ZNF808: variants seen among roughly 807,000 people sequenced by gnomAD.
ZNF808 encodes the protein zinc finger protein 808.
A neutral mutation model predicts 8.7 loss-of-function variants in ZNF808; 5 were observed. That is an observed-to-expected ratio of 0.58 (90% CI 0.30 to 1.21). The LOEUF (loss-of-function observed/expected upper bound fraction) is 1.21. Among genes scored for constraint, ZNF808 ranks in the 50% most tolerant of loss-of-function variants. The probability of loss-of-function intolerance (pLI) is 0.07; values close to 1 mark genes in which losing one functional copy is unlikely to be tolerated. For synonymous variants in ZNF808, 380 were observed against 366.0 expected, an observed-to-expected ratio of 1.04 and a Z score of -0.44; for missense variants, 1,103 against 1,098.4, an observed-to-expected ratio of 1.00 and a Z score of -0.06.
intron 2 of ZNF808, among the ~76,000 whole-genome samples, chr19:52,541,780 C>T (rs1272495614): frequency 6.6e-6 from 1 of 152,130 alleles, no homozygotes; most frequent in African/African-American, 2.4e-5. Context: ...ACTTACACGA[C>T]TCCATGTCCC....
intron 2 of ZNF808, among the ~76,000 whole-genome samples, chr19:52,535,757 CG>C (rs1446742024): frequency 6.6e-6 from 1 of 152,234 alleles, no homozygotes; most frequent in Non-Finnish European, 1.5e-5. Context: ...TTTGCATGCC[CG>C]TTCCAGACAA....
chr19:52,562,171 A>C (rs1395400347), intron 3 of ZNF808, among the ~76,000 whole-genome samples: 1 of 152,070 alleles, frequency 6.6e-6, no homozygotes, highest in African/African-American at 2.4e-5. Flanking sequence ...TGAGGTCAGG[A>C]GTTTGAGAGC....
At chr19:52,546,822 T>G (rs2059725777) in intron 3 of ZNF808, among the ~76,000 whole-genome samples, 1 of 151,876 alleles carries the variant, frequency 6.6e-6, no homozygotes, top group Non-Finnish European at 1.5e-5. Context: ...TTTTGTATTT[T>G]CAGTAGAGAT....
At chr19:52,533,044 C>G (rs556736640) in intron 2 of ZNF808, 35 bp downstream of exon 2, 2 of 152,402 alleles carry the variant, frequency 1.3e-5, no homozygotes, top group East Asian at 1.9e-4. Context: ...AACAAACAAG[C>G]CAATAAATGA....
chr19:52,561,204 CTCTCTCTCTATATATATA>C (rs1341777512), downstream of ZNF808, among the ~76,000 whole-genome samples: 700 of 39,022 alleles, frequency 0.018, 7 homozygotes, highest in South Asian at 0.039. Flanking sequence ...CTCTCTCTCT[CTCTCTCTCTATATATATA>C]TATATATATA....
rs2059821185 is a variant in ZNF808 at position 52,555,030 on chromosome 19, A to C, written c.2114A>C (p.Lys705Thr). Residue 705 changes from lysine (K) to threonine (T), a missense_variant, in exon 5 of 5, where the codon AAA becomes ACA. By Grantham distance (78) the Lys-to-Thr change is moderately conservative. Transcript: ENST00000359798. ...AKHTRIHSGM[K>T]PYKCNECSKT... ...CATACTAGAATTCACAGTGGAATGA[A>C]ACCTTACAAGTGTAATGAGTGCAGC... 1 of 1,613,922 alleles carries C rather than the reference A, an allele frequency of 6.2e-7. No individual in the cohort carries two copies. Among genetic ancestry groups the C allele is most frequent in the African/African-American group, 1.3e-5 (1 of 74,866 alleles).
downstream of ZNF808, among the ~76,000 whole-genome samples, chr19:52,567,279 TAA>T (rs1196310124): frequency 2.0e-5 from 3 of 152,010 alleles, no homozygotes; most frequent in African/African-American, 7.2e-5. Flanking sequence ...AACAAAGTAA[TAA>T]GTTTTGTTAC....
At chr19:52,561,454 T>C (rs2059857999) in intron 3 of ZNF808, among the ~76,000 whole-genome samples, 1 of 152,044 alleles carries the variant, frequency 6.6e-6, no homozygotes, top group African/African-American at 2.4e-5. Context: ...TGATCAAGTT[T>C]GTCCCTCACT....
chr19:52,560,782 A>T (rs2059853600), downstream of ZNF808, among the ~76,000 whole-genome samples: 1 of 152,140 alleles, frequency 6.6e-6, no homozygotes, highest in Non-Finnish European at 1.5e-5. Flanking sequence ...ATTCCCACAG[A>T]TGTGCATGCA....
intron 4 of ZNF808, among the ~76,000 whole-genome samples, chr19:52,550,955 T>C (rs902588770): frequency 1.3e-5 from 2 of 152,072 alleles, no homozygotes; most frequent in African/African-American, 2.4e-5. Context: ...CTTCAGTGGC[T>C]TTCACCTCTA....
In ZNF808 at chr19:52,554,009, C is replaced by T; in HGVS notation, c.1093C>T (p.His365Tyr). The T allele has an allele frequency of 1.2e-6, 2 of 1,614,126 alleles. No individual in the cohort carries two copies. The highest frequency in any genetic ancestry group is 1.7e-6 in the Non-Finnish European group (2 of 1,180,020). Residue 365 changes from histidine (H) to tyrosine (Y), a missense_variant, in exon 5 of 5, where the codon CAT becomes TAT. By Grantham distance (83) the His-to-Tyr change is moderately conservative. Coordinates refer to ENST00000359798, the MANE Select transcript of ZNF808 (RefSeq NM_001039886.4). ...QSHLSRHQRL[H>Y]TGVKPYKCKI... The stretch of plus-strand genomic sequence containing the variant: ...ACACCTTTCACGCCATCAAAGACTT[C>T]ATACTGGAGTGAAACCTTACAAATG...
intron 4 of ZNF808, among the ~76,000 whole-genome samples, chr19:52,551,555 G>A (rs967042094): frequency 6.6e-6 from 1 of 152,096 alleles, no homozygotes; most frequent in Non-Finnish European, 1.5e-5. Context: ...TTCTTCAGAG[G>A]AAGTTGTTTA....
At chr19:52,552,637 C>T (rs536932600) in intron 4 of ZNF808, among the ~76,000 whole-genome samples, 100 of 150,664 alleles carry the variant, frequency 6.6e-4, no homozygotes, top group African/African-American at 2.2e-3. Flanking sequence ...TACAGAATTT[C>T]CAGTGCTTTT....
rs749741118 is a variant in ZNF808 at position 52,553,865 on chromosome 19, T to C, written c.949T>C (p.Cys317Arg). The C allele has an allele frequency of 3.0e-5, 48 of 1,614,030 alleles. No homozygotes were observed. Among genetic ancestry groups the C allele is most frequent in the Non-Finnish European group, 4.1e-5 (48 of 1,180,038 alleles). The change falls in exon 5 of 5, where the codon TGT becomes CGT. Residue 317 changes from cysteine to arginine, a missense_variant. Coordinates refer to ENST00000359798, the MANE Select transcript of ZNF808 (RefSeq NM_001039886.4). ...RLHTGVKPYK[C>R]NECGKVFRQN... ...TCATACTGGAGTAAAACCTTACAAG[T>C]GTAATGAGTGTGGCAAGGTCTTTCG...
In ZNF808 at chr19:52,555,549, A is replaced by G. The variant is rs1420739548; in HGVS notation, c.2633A>G (p.Asn878Ser). ...ACTGGAGAGAAACCTTACAAGTGTA[A>G]TGAGTGTGGCAAAGCCTTTAGTGAC... is the stretch of plus-strand genomic sequence containing the variant. ...IHTGEKPYKC[N>S]ECGKAFSDRS... The change falls in exon 5 of 5, where the codon AAT becomes AGT. Residue 878 changes from asparagine (N) to serine (S), a missense_variant. By Grantham distance (46) the Asn-to-Ser change is conservative (BLOSUM62 1). Coordinates refer to ENST00000359798, the MANE Select transcript of ZNF808 (RefSeq NM_001039886.4). 2 of 1,614,040 alleles carry G rather than the reference A, an allele frequency of 1.2e-6. No homozygotes were observed. Among genetic ancestry groups the G allele is most frequent in the Non-Finnish European group, 1.7e-6 (2 of 1,180,008 alleles).
downstream of ZNF808, among the ~76,000 whole-genome samples, chr19:52,561,210 CTCTATATATATATATATA>C (rs2059856892): frequency 3.4e-5 from 1 of 29,538 alleles, no homozygotes; most frequent in Non-Finnish European, 6.8e-5. Context: ...CTCTCTCTCT[CTCTATATATATATATATA>C]TATATATATA....
intron 2 of ZNF808, among the ~76,000 whole-genome samples, chr19:52,539,354 G>T (rs1322636245): frequency 1.3e-5 from 2 of 151,042 alleles, no homozygotes; most frequent in Non-Finnish European, 3.0e-5. Context: ...AGCCACACCT[G>T]TCTGATTTTT....
chr19:52,546,707 G>A (rs559278066), intron 3 of ZNF808, among the ~76,000 whole-genome samples: 4 of 139,608 alleles, frequency 2.9e-5, no homozygotes, highest in South Asian at 2.3e-4. Context: ...GAAGTGGTGC[G>A]ATCTCGGCTC....
chr19:52,552,239 G>A (rs185038668), intron 4 of ZNF808, among the ~76,000 whole-genome samples: 291 of 151,774 alleles, frequency 1.9e-3, no homozygotes, highest in Non-Finnish European at 3.3e-3. Context: ...GGATGGTCTC[G>A]ATCTCCTGAC....
Sources: gnomAD v4.1 joint callset for allele counts (sites outside exome capture counted in the v4.1 genomes callset) on GRCh38, gnomAD v4.1.1 for gene constraint, MANE v1.5 for transcripts, NCBI Gene and HGNC (gene_info 2026-07-23, HGNC 2026-07-21) for gene names.